The following LIMCH1 variants were observed in gnomAD, a reference collection of about 807,000 sequenced individuals.
LIMCH1 encodes LIM and calponin homology domains-containing protein 1.
LIMCH1 carries 113 observed loss-of-function variants against 176.5 expected under a neutral mutation model. The observed-to-expected ratio is 0.64, with a 90% CI of 0.55 to 0.75. The LOEUF is 0.75. LIMCH1 is among the 30% of genes least tolerant of loss of function. The pLI is 0.00. For synonymous variants in LIMCH1, 619 were observed against 645.9 expected, an observed-to-expected ratio of 0.96 and a Z score of 0.63; for missense variants, 1,674 against 1,814.9, an observed-to-expected ratio of 0.92 and a Z score of 1.41.
intron 1 of LIMCH1, among the ~76,000 whole-genome samples, chr4:41,414,618 A>G (rs1201682477): frequency 6.6e-6 from 1 of 152,166 alleles, no homozygotes; most frequent in East Asian, 1.9e-4. Context: ...ATGTAAAATT[A>G]TGCATTATGT....
rs907456066 is a variant in LIMCH1 at position 41,616,228 on chromosome 4, G to A, written c.205+2567G>A. Among the ~76,000 whole-genome samples, 3 of 152,066 alleles carry A rather than the reference G, an allele frequency of 2.0e-5. No individual in the cohort carries two copies. The South Asian group carries it at 6.2e-4, about 32-fold the overall frequency. On this transcript the variant is annotated intron_variant, in intron 5 of 31. Coordinates refer to ENST00000503057, the MANE Select transcript of LIMCH1 (RefSeq NM_001330672.2). ...AAGTGCTAGAGGAAGATTAAAAAGC[G>A]AAGGGTTGGGGGTGTGTACGGCAAA...
chr4:41,434,837 C>G (rs1247583612), intron 1 of LIMCH1, among the ~76,000 whole-genome samples: 1 of 152,172 alleles, frequency 6.6e-6, no homozygotes, highest in Non-Finnish European at 1.5e-5. Flanking sequence ...TCTTGATGAA[C>G]AGAAATCTGA....
At chr4:41,665,581 G>A (rs2094793694) in intron 20 of LIMCH1, among the ~76,000 whole-genome samples, 1 of 152,016 alleles carries the variant, frequency 6.6e-6, no homozygotes, top group African/African-American at 2.4e-5. Flanking sequence ...CAAGTGCTCT[G>A]TGGTCTCACT....
chr4:41,371,351 G>A (rs1302669202), intron 1 of LIMCH1, among the ~76,000 whole-genome samples: 1 of 152,174 alleles, frequency 6.6e-6, no homozygotes. Context: ...TGTCAGTAGG[G>A]TGGTTAGGAC....
At chr4:41,531,019 A>G (rs1342256007) in intron 3 of LIMCH1, among the ~76,000 whole-genome samples, 1 of 151,714 alleles carries the variant, frequency 6.6e-6, no homozygotes, top group Non-Finnish European at 1.5e-5. Context: ...AGTTCAAAGA[A>G]ATGTCACCAG....
intron 1 of LIMCH1, among the ~76,000 whole-genome samples, chr4:41,487,754 G>A (rs1195870177): frequency 6.7e-6 from 1 of 148,978 alleles, no homozygotes; most frequent in Non-Finnish European, 1.5e-5. Flanking sequence ...CACCTCCTGG[G>A]TTCACGCCAT....
intron 1 of LIMCH1, among the ~76,000 whole-genome samples, chr4:41,493,488 T>G (rs2071470071): frequency 6.6e-6 from 1 of 152,086 alleles, no homozygotes; most frequent in Non-Finnish European, 1.5e-5. Flanking sequence ...TTGTCATTAT[T>G]TCCTAAACAA....
Position 41,653,506 on chromosome 4 carries a change from T to C in LIMCH1, c.3036+2898T>C, listed in dbSNP as rs148694147. On this transcript the variant is annotated intron_variant, in intron 18 of 31. Transcript: ENST00000503057. ...GGCTGTCAAAAGATTAGTGTTCTTC[T>C]TTTTAAATAGTGTCTTTCTTCCAAA... Among the ~76,000 whole-genome samples, 336 of 152,326 alleles carry C rather than the reference T, an allele frequency of 2.2e-3. 1 individual carries two copies. Among genetic ancestry groups the C allele is most frequent in the African/African-American group, 7.7e-3 (322 of 41,566 alleles).
At chr4:41,658,195 A>C (rs2094515768) in intron 18 of LIMCH1, among the ~76,000 whole-genome samples, 1 of 152,154 alleles carries the variant, frequency 6.6e-6, no homozygotes, top group Non-Finnish European at 1.5e-5. Context: ...TCATGTTGGT[A>C]CCTACCTCCT....
intron 1 of LIMCH1, among the ~76,000 whole-genome samples, chr4:41,387,308 G>C (rs2056625797): frequency 6.6e-6 from 1 of 152,124 alleles, no homozygotes; most frequent in African/African-American, 2.4e-5. Context: ...AACATTTTCT[G>C]GGTACATGCA....
intron 1 of LIMCH1, among the ~76,000 whole-genome samples, chr4:41,562,751 C>A (rs1483035343): frequency 6.6e-6 from 1 of 152,108 alleles, no homozygotes; most frequent in Non-Finnish European, 1.5e-5. Context: ...TTCTGTAGGG[C>A]TAAGGATTTG....
chr4:41,682,347 G>A lies in LIMCH1; in HGVS notation c.3732G>A (p.Leu1244=). 6.2e-7 allele frequency: 1 copy of A among 1,610,880 alleles called. No homozygotes were observed. The highest frequency in any genetic ancestry group is 8.5e-7 in the Non-Finnish European group (1 of 1,177,550). Reference sequence around the variant, plus strand: ...TTTCTCCTTAGAATAAGATAGACCTGGGAAACTGTCAAGATGAAAAACAAG... The same window carrying A: ...TTTCTCCTTAGAATAAGATAGACCTAGGAAACTGTCAAGATGAAAAACAAG... ...EGSGTMNKID[L]GNCQDEKQDR... The change falls in exon 26 of 32, where the codon CTG becomes CTA. Residue 1244 remains leucine, a synonymous_variant. Coordinates refer to ENST00000503057, the MANE Select transcript of LIMCH1 (RefSeq NM_001330672.2).
At chr4:41,419,630 CCTTCCTCCTTCCTTT>C (rs2060342623) in intron 1 of LIMCH1, among the ~76,000 whole-genome samples, 1 of 97,274 alleles carries the variant, frequency 1.0e-5, no homozygotes, top group East Asian at 2.5e-4. Context: ...TTCCTTCCTT[CCTTCCTCCTTCCTTT>C]CTTCCTCCTT....
intron 1 of LIMCH1, among the ~76,000 whole-genome samples, chr4:41,546,860 C>T (rs924599851): frequency 7.9e-5 from 12 of 151,566 alleles, no homozygotes; most frequent in South Asian, 2.1e-4. Flanking sequence ...GAGAGACAAG[C>T]GAGAGAGAGA....
At chr4:41,533,048 G>C (rs1395695412) in intron 3 of LIMCH1, among the ~76,000 whole-genome samples, 1 of 152,152 alleles carries the variant, frequency 6.6e-6, no homozygotes, top group Admixed American at 6.5e-5. Flanking sequence ...GCAGGATTCA[G>C]TTCCTCACAG....
chr4:41,384,866 A>G (rs1017850079), intron 1 of LIMCH1, among the ~76,000 whole-genome samples: 1 of 152,192 alleles, frequency 6.6e-6, no homozygotes, highest in Non-Finnish European at 1.5e-5. Flanking sequence ...TCAACTTTGT[A>G]TGCTTGACAA....
At chr4:41,488,061 C>T (rs2070032419) in intron 1 of LIMCH1, among the ~76,000 whole-genome samples, 1 of 152,082 alleles carries the variant, frequency 6.6e-6, no homozygotes, top group Admixed American at 6.6e-5. Flanking sequence ...AGATACTGCT[C>T]ATCATCATTG....
intron 14 of LIMCH1, among the ~76,000 whole-genome samples, chr4:41,640,661 T>C (rs1268914593): frequency 6.6e-6 from 1 of 152,250 alleles, no homozygotes; most frequent in Non-Finnish European, 1.5e-5. Flanking sequence ...AAATGAAAAG[T>C]TGATATCAGG....
At chr4:41,449,911 G>GT (rs2063682862) in intron 1 of LIMCH1, among the ~76,000 whole-genome samples, 2 of 152,200 alleles carry the variant, frequency 1.3e-5, no homozygotes, top group Admixed American at 1.3e-4. Context: ...CAGGCTTCTT[G>GT]GCCTTCTTCA....
Sources: allele counts gnomAD v4.1 joint callset (sites outside exome capture counted in the v4.1 genomes callset), GRCh38; gene constraint gnomAD v4.1.1; transcripts MANE v1.5; gene names NCBI Gene and HGNC (gene_info 2026-07-23, HGNC 2026-07-21).